Variants in TENM3 observed in about 807,000 individuals in gnomAD.
The protein encoded by TENM3 is teneurin-3.
In TENM3, 63 loss-of-function variants were observed where a neutral mutation model predicts 255.1. The observed-to-expected ratio is 0.25, with a 90% CI of 0.20 to 0.30. The LOEUF (loss-of-function observed/expected upper bound fraction) is 0.30, where lower values mean the gene tolerates loss of function less well. Ranked by LOEUF, TENM3 falls within the 10% of genes least tolerant of loss-of-function variation. TENM3 has a pLI of 1.00. For missense variants in TENM3, 2,929 were observed against 3,461.1 expected (o/e 0.85, Z 3.86); for synonymous variants, 1,306 against 1,322.3 (o/e 0.99, Z 0.27).
the TENM3 span, among the ~76,000 whole-genome samples, chr4:181,604,220 G>A: frequency 2.6e-5 from 4 of 151,996 alleles, no homozygotes; most frequent in African/African-American, 4.8e-5. Flanking sequence ...AGCCGAGATC[G>A]CGCCACAGCA....
intron 22 of TENM3, among the ~76,000 whole-genome samples, chr4:182,770,451 C>T (rs1764107337): frequency 1.3e-5 from 2 of 152,174 alleles, no homozygotes; most frequent in Admixed American, 1.3e-4. Context: ...CCGACACCTT[C>T]CTCCGCAGCC....
the TENM3 span, among the ~76,000 whole-genome samples, chr4:181,672,159 T>TGTA: frequency 6.6e-6 from 1 of 152,142 alleles, no homozygotes. Context: ...GACTCTGTAA[T>TGTA]GTAGTAAAAC....
the TENM3 span, among the ~76,000 whole-genome samples, chr4:181,881,574 C>G: frequency 3.3e-5 from 5 of 152,074 alleles, no homozygotes; most frequent in Non-Finnish European, 2.9e-5. Flanking sequence ...TATTCGAGAT[C>G]TTGAAATTGA....
chr4:181,735,011 A>G, the TENM3 span, among the ~76,000 whole-genome samples: 4 of 152,304 alleles, frequency 2.6e-5, no homozygotes, highest in South Asian at 6.2e-4. Context: ...GAAGCAATTA[A>G]CAAGTATGAA....
chr4:182,073,336 G>A, the TENM3 span, among the ~76,000 whole-genome samples: 1 of 152,156 alleles, frequency 6.6e-6, no homozygotes, highest in African/African-American at 2.4e-5. Flanking sequence ...CAACATGTGG[G>A]GATTATGGGG....
chr4:182,031,808 G>A, the TENM3 span, among the ~76,000 whole-genome samples: 3 of 152,100 alleles, frequency 2.0e-5, no homozygotes, highest in Admixed American at 2.0e-4. Flanking sequence ...TATTCTCTTT[G>A]TAGCAATTGT....
the TENM3 span, among the ~76,000 whole-genome samples, chr4:181,569,061 A>G: frequency 1.3e-5 from 2 of 152,218 alleles, no homozygotes; most frequent in Non-Finnish European, 2.9e-5. Context: ...TTGCCAGTGC[A>G]GTGGCTCATG....
chr4:181,790,269 G>GA, the TENM3 span, among the ~76,000 whole-genome samples: 2 of 152,150 alleles, frequency 1.3e-5, no homozygotes, highest in South Asian at 4.1e-4. Flanking sequence ...AGTAGAGAGA[G>GA]AAAAAAATTG....
intron 12 of TENM3, among the ~76,000 whole-genome samples, chr4:182,701,821 C>T (rs929724188): frequency 2.6e-5 from 4 of 152,270 alleles, no homozygotes; most frequent in Admixed American, 2.6e-4. Context: ...GGTGGCCTTC[C>T]TCCTGTATTT....
At chr4:182,101,104 G>GAGGGAGGGAGGGAAGAAGGA in the TENM3 span, among the ~76,000 whole-genome samples, 1 of 11,682 alleles carries the variant, frequency 8.6e-5, no homozygotes, top group Non-Finnish European at 1.9e-4. Context: ...GGGAGGGAGG[G>GAGGGAGGGAGGGAAGAAGGA]AGGAAGGAAA....
At chr4:182,725,658 C>T (rs1441287969) in intron 13 of TENM3, among the ~76,000 whole-genome samples, 5 of 117,106 alleles carry the variant, frequency 4.3e-5, no homozygotes, top group South Asian at 2.7e-4. Flanking sequence ...TTCTTTGAGA[C>T]GGAGTCTTGC....
At chr4:182,234,446 A>T (rs1756770161) in intron 1 of TENM3, among the ~76,000 whole-genome samples, 1 of 152,186 alleles carries the variant, frequency 6.6e-6, no homozygotes, top group Non-Finnish European at 1.5e-5. Context: ...ATAGAAATAA[A>T]ACACAGCCCT....
rs55836889 is a variant in TENM3 at position 182,426,007 on chromosome 4, C to CAAAAAAAAAAAAAAAAAAAAAAAAA, written c.511+79101_511+79102insAAAAAAAAAAAAAAAAAAAAAAAAA. 2.0e-3 allele frequency among the ~76,000 whole-genome samples: 180 copies of CAAAAAAAAAAAAAAAAAAAAAAAAA among 90,706 alleles called. 4 individuals carry two copies. The highest frequency in any genetic ancestry group is 2.4e-3 in the Non-Finnish European group (111 of 45,366). 59.5% of individuals were successfully genotyped at this position (90,706 alleles called of 152,430 possible). A position where few individuals can be genotyped will look rare whatever the true frequency, so the allele number is the denominator to read the frequency against. On this transcript the variant is annotated intron_variant, in intron 3 of 27. Transcript: ENST00000511685. ...TAAGAGACAGAGCGAGAGTCCATGT[C>CAAAAAAAAAAAAAAAAAAAAAAAAA]AAAAAAAAAAAAAAAAAAAAAAACA...
the TENM3 span, among the ~76,000 whole-genome samples, chr4:181,494,974 AT>A: frequency 6.6e-6 from 1 of 151,818 alleles, no homozygotes; most frequent in East Asian, 1.9e-4. Context: ...GTTATCTCTT[AT>A]TTTTTCTTGC....
chr4:182,740,243 C>T (rs1256203230), intron 18 of TENM3, among the ~76,000 whole-genome samples: 7 of 152,284 alleles, frequency 4.6e-5, no homozygotes, highest in South Asian at 4.1e-4. Flanking sequence ...TTAAACAGAG[C>T]GGATAACTAG....
the TENM3 span, among the ~76,000 whole-genome samples, chr4:181,682,198 T>C: frequency 6.6e-6 from 1 of 152,140 alleles, no homozygotes; most frequent in Non-Finnish European, 1.5e-5. Context: ...CAAAAAGTCC[T>C]TGTGAGTATC....
chr4:181,483,541 G>A, the TENM3 span, among the ~76,000 whole-genome samples: 1 of 152,160 alleles, frequency 6.6e-6, no homozygotes, highest in Non-Finnish European at 1.5e-5. Context: ...GTAATATTCA[G>A]AGGGATTTTT....
the TENM3 span, among the ~76,000 whole-genome samples, chr4:181,475,049 T>C: frequency 2.0e-5 from 3 of 152,264 alleles, no homozygotes; most frequent in Non-Finnish European, 4.4e-5. Context: ...ACCGGAGATC[T>C]ATTTTATAAG....
the TENM3 span, among the ~76,000 whole-genome samples, chr4:181,550,697 G>A: frequency 2.0e-4 from 31 of 152,276 alleles, no homozygotes; most frequent in Middle Eastern, 3.4e-3. Flanking sequence ...GTCTATCCAA[G>A]TCTTTTATAT....
Sources: gnomAD v4.1 joint callset for allele counts (sites outside exome capture counted in the v4.1 genomes callset) on GRCh38, gnomAD v4.1.1 for gene constraint, MANE v1.5 for transcripts, NCBI Gene and HGNC (gene_info 2026-07-23, HGNC 2026-07-21) for gene names.